The following C1GALT1 variants were observed in gnomAD, a reference collection of about 807,000 sequenced individuals.
The protein encoded by C1GALT1 is core 1 synthase, glycoprotein-N-acetylgalactosamine 3-beta-galactosyltransferase 1.
In C1GALT1, 11 loss-of-function variants were observed where a neutral mutation model predicts 31.0. The observed-to-expected ratio is 0.36, with a 90% CI of 0.22 to 0.59. The LOEUF (loss-of-function observed/expected upper bound fraction) is 0.59. C1GALT1 is among the 20% of genes least tolerant of loss of function. C1GALT1 has a pLI of 0.79. For missense variants in C1GALT1, 424 were observed against 425.2 expected, an observed-to-expected ratio of 1.00 and a Z score of 0.03; for synonymous variants, 175 against 143.6, an observed-to-expected ratio of 1.22 and a Z score of -1.56.
chr7:7,221,569 G>T (rs1782512652), intron 1 of C1GALT1, among the ~76,000 whole-genome samples: 1 of 152,190 alleles, frequency 6.6e-6, no homozygotes, highest in South Asian at 2.1e-4. Flanking sequence ...AATAAAAAGC[G>T]AATTGAAATG....
intron 1 of C1GALT1, among the ~76,000 whole-genome samples, chr7:7,215,991 T>A (rs950365002): frequency 2.0e-5 from 3 of 152,048 alleles, no homozygotes; most frequent in African/African-American, 7.2e-5. Context: ...CTTTTTTTTT[T>A]AATTTTGGGG....
intron 1 of C1GALT1, among the ~76,000 whole-genome samples, chr7:7,210,995 T>C (rs1364302091): frequency 2.0e-5 from 3 of 152,162 alleles, no homozygotes; most frequent in Non-Finnish European, 4.4e-5. Context: ...CACTAACTGC[T>C]GTTAGAGGGT....
chr7:7,164,001 A>G (rs1211146027), intron 2 of C1GALT1, among the ~76,000 whole-genome samples: 1 of 152,164 alleles, frequency 6.6e-6, no homozygotes. Flanking sequence ...AAGAGCCCGC[A>G]TCGCCAAGTC....
At chr7:7,163,193 T>A (rs58995187) in intron 2 of C1GALT1, among the ~76,000 whole-genome samples, 1 of 152,300 alleles carries the variant, frequency 6.6e-6, no homozygotes, top group African/African-American at 2.4e-5. Context: ...CCTTGCCCGT[T>A]CCTATGTCCT....
intron 1 of C1GALT1, among the ~76,000 whole-genome samples, chr7:7,231,321 T>C (rs1253934756): frequency 3.3e-5 from 5 of 152,176 alleles, no homozygotes; most frequent in Admixed American, 3.3e-4. Context: ...GTAATCTTCA[T>C]TGGGTTTTGT....
Position 7,182,713 on chromosome 7 carries a change from G to A in C1GALT1, c.-125G>A. ...CGGCAGCGGGCGGCCTCGGCTAGCGGCCACGAGCCACTTCTGCGGCTGCCC... is the reference window on the plus strand; with the variant it reads ...CGGCAGCGGGCGGCCTCGGCTAGCGACCACGAGCCACTTCTGCGGCTGCCC... On this transcript the variant is annotated 5_prime_UTR_variant, in exon 1 of 4. Transcript: ENST00000436587. 2.5e-6 allele frequency: 2 copies of A among 784,398 alleles called. No homozygotes were observed. Among genetic ancestry groups the A allele is most frequent in the Non-Finnish European group, 3.1e-6 (2 of 646,250 alleles). 48.6% of individuals were successfully genotyped at this position (784,398 alleles called of 1,614,324 possible). A position where few individuals can be genotyped will look rare whatever the true frequency, so the allele number is the denominator to read the frequency against.
intron 1 of C1GALT1, among the ~76,000 whole-genome samples, chr7:7,213,451 G>T (rs961005721): frequency 2.6e-5 from 4 of 152,176 alleles, no homozygotes; most frequent in Admixed American, 2.0e-4. Context: ...ATAATTTAAA[G>T]AAGATTGGAC....
Position 7,234,305 on chromosome 7 carries a change from A to C in C1GALT1, c.-15A>C. 1 of 1,609,844 alleles carries C rather than the reference A, an allele frequency of 6.2e-7. No individual in the cohort carries two copies. The highest frequency in any genetic ancestry group is 1.1e-5 in the South Asian group (1 of 90,748). ...CCTGCTAATTTTTGTTCTTACAGAA[A>C]TACACTTTCGGGAAATGGCCTCTAA... On this transcript the variant is annotated splice_region_variant and 5_prime_UTR_variant, in exon 2 of 4. Transcript: ENST00000436587.
chr7:7,186,688 G>A (rs779982525), intron 1 of C1GALT1, among the ~76,000 whole-genome samples: 16 of 152,250 alleles, frequency 1.1e-4, no homozygotes, highest in Non-Finnish European at 1.9e-4. Context: ...GAGTTGGAGA[G>A]TGAGCCATAT....
In C1GALT1 at chr7:7,238,941, T is replaced by TTACTATGTCAA; in HGVS notation, c.888+24_888+34dup. 6.4e-7 allele frequency: 1 copy of TTACTATGTCAA among 1,572,786 alleles called. No individual in the cohort carries two copies. Among genetic ancestry groups the TTACTATGTCAA allele is most frequent in the Non-Finnish European group, 8.7e-7 (1 of 1,154,652 alleles). ...TGTAGAGGTAAGTTTAGAAATTTTA[T>TTACTATGTCAA]TACTATGTCAATACTTGGACTGACT... On this transcript the variant is annotated intron_variant, in intron 3 of 3. Coordinates refer to ENST00000436587, the MANE Select transcript of C1GALT1 (RefSeq NM_020156.5). This position sits in a 1 kb window ranked among gnomAD's most constrained non-coding sequence, Gnocchi z 5.2.
intron 1 of C1GALT1, among the ~76,000 whole-genome samples, chr7:7,226,182 A>G (rs1486380193): frequency 6.6e-6 from 1 of 152,176 alleles, no homozygotes; most frequent in African/African-American, 2.4e-5. Flanking sequence ...TGTAAGATTT[A>G]TATCACTTTC....
intron 1 of C1GALT1, among the ~76,000 whole-genome samples, chr7:7,218,512 G>A (rs1387280191): frequency 2.0e-5 from 3 of 152,138 alleles, no homozygotes; most frequent in African/African-American, 4.8e-5. Context: ...ATGGAGCAAC[G>A]TAGAGATATT....
chr7:7,179,955 C>G (rs1015593692), upstream of C1GALT1, among the ~76,000 whole-genome samples: 1 of 151,758 alleles, frequency 6.6e-6, no homozygotes, highest in Admixed American at 6.6e-5. Flanking sequence ...CAGAAATTCA[C>G]TTTTATTTAA....
chr7:7,218,518 A>G (rs1455005454), intron 1 of C1GALT1, among the ~76,000 whole-genome samples: 1 of 152,170 alleles, frequency 6.6e-6, no homozygotes, highest in Non-Finnish European at 1.5e-5. Context: ...CAACGTAGAG[A>G]TATTAGATTT....
At chr7:7,194,801 T>C (rs113111908) in intron 1 of C1GALT1, among the ~76,000 whole-genome samples, 5,010 of 152,190 alleles carry the variant, frequency 0.033, 188 homozygotes, top group African/African-American at 0.091. Flanking sequence ...ATCCATCTGA[T>C]TCTGGACTTT....
At chr7:7,174,713 T>C (rs1431087046) in intron 2 of C1GALT1, among the ~76,000 whole-genome samples, 2 of 152,178 alleles carry the variant, frequency 1.3e-5, no homozygotes, top group Non-Finnish European at 2.9e-5. Context: ...CTGACTCTTC[T>C]GCTTGCTCAG....
At chr7:7,178,385 A>C (rs545074072), upstream of C1GALT1, 14 of 217,270 alleles carry the variant, frequency 6.4e-5, 1 homozygote, top group South Asian at 1.0e-3. Context: ...CCCTCTGGGC[A>C]AATTTGTATT....
At chr7:7,180,180 A>T (rs1412734775), upstream of C1GALT1, among the ~76,000 whole-genome samples, 1 of 152,252 alleles carries the variant, frequency 6.6e-6, no homozygotes, top group Non-Finnish European at 1.5e-5. Flanking sequence ...ACTGAGGTTT[A>T]TGTGTGTTTC....
chr7:7,192,851 C>G (rs1781133701), intron 1 of C1GALT1, among the ~76,000 whole-genome samples: 1 of 152,098 alleles, frequency 6.6e-6, no homozygotes, highest in Non-Finnish European at 1.5e-5. Flanking sequence ...GCCATTCTTG[C>G]AGGAGTAAGG....
Sources: gnomAD v4.1 joint callset for allele counts (sites outside exome capture counted in the v4.1 genomes callset) on GRCh38, gnomAD v4.1.1 for gene constraint, Gnocchi (gnomAD v3.1) non-coding constraint, MANE v1.5 for transcripts, NCBI Gene and HGNC (gene_info 2026-07-23, HGNC 2026-07-21) for gene names.